The following SENP7 variants were observed in gnomAD, a reference collection of about 807,000 sequenced individuals.
SENP7 encodes SUMO specific peptidase 7.
Under a neutral mutation model 141.2 loss-of-function variants are expected in SENP7, and 64 were observed. The ratio of observed to expected loss-of-function variants is 0.45; its 90% confidence interval spans 0.37 to 0.56. SENP7 has a LOEUF of 0.56. Among genes scored for constraint, SENP7 ranks in the 20% least tolerant of loss-of-function variants. The pLI is 0.00. For synonymous variants in SENP7, 382 were observed against 426.4 expected, an observed-to-expected ratio of 0.90 and a Z score of 1.28; for missense variants, 1,025 against 1,212.2, an observed-to-expected ratio of 0.85 and a Z score of 2.29.
chr3:101,341,274 A>G (rs1442807105), intron 15 of SENP7, among the ~76,000 whole-genome samples: 1 of 152,226 alleles, frequency 6.6e-6, no homozygotes, highest in South Asian at 2.1e-4. Context: ...AACAAACTCC[A>G]AAGTACCTTA....
chr3:101,356,906 T>C (rs1462764063), intron 11 of SENP7, among the ~76,000 whole-genome samples: 1 of 152,224 alleles, frequency 6.6e-6, no homozygotes, highest in East Asian at 1.9e-4. Flanking sequence ...GTAACGGTTG[T>C]CTTCAGAATA....
At chr3:101,348,558 C>A (rs936620931) in intron 12 of SENP7, among the ~76,000 whole-genome samples, 2 of 152,130 alleles carry the variant, frequency 1.3e-5, no homozygotes, top group Admixed American at 1.3e-4. Context: ...TAGGCCAATT[C>A]CTGCCCATCT....
intron 9 of SENP7, among the ~76,000 whole-genome samples, chr3:101,365,634 CAAAAAAA>C (rs1010380283): frequency 3.2e-5 from 2 of 62,134 alleles, no homozygotes; most frequent in Non-Finnish European, 6.2e-5. Context: ...GACTCTGTCT[CAAAAAAA>C]AAAAAAAAAA....
intron 4 of SENP7, among the ~76,000 whole-genome samples, chr3:101,424,710 C>T (rs1325699913): frequency 1.3e-5 from 2 of 152,118 alleles, no homozygotes; most frequent in Non-Finnish European, 2.9e-5. Flanking sequence ...GGGACTCCTG[C>T]TCCCCATCAG....
chr3:101,412,905 T>G (rs998977208), intron 5 of SENP7, among the ~76,000 whole-genome samples: 6 of 152,138 alleles, frequency 3.9e-5, no homozygotes, highest in African/African-American at 1.4e-4. Flanking sequence ...AGTTTGATAT[T>G]TCTAAAACTC....
In SENP7 at chr3:101,493,872, C is replaced by T. The variant is rs750519233; in HGVS notation, c.186+1G>A. 87 of 1,548,220 alleles carry T rather than the reference C, an allele frequency of 5.6e-5. No individual in the cohort carries two copies. The highest frequency in any genetic ancestry group is 7.7e-5 in the Non-Finnish European group (87 of 1,127,564). ...TAAAATAAATTAATTTTATTTACCA[C>T]CTGCAAAGGGAGAGTCCAGCGTTCT... On this transcript the variant is annotated splice_donor_variant, in intron 3 of 23. Transcript: ENST00000394095. LOFTEE classifies it high-confidence loss of function.
At chr3:101,435,083 G>T (rs547676779) in intron 4 of SENP7, among the ~76,000 whole-genome samples, 2 of 151,932 alleles carry the variant, frequency 1.3e-5, no homozygotes, top group Non-Finnish European at 2.9e-5. Flanking sequence ...TAACCATGTG[G>T]GATTTATCCC....
rs776974132 is a variant in SENP7 at position 101,398,959 on chromosome 3, T to C, written c.579A>G (p.Thr193=). The C allele has an allele frequency of 6.2e-7, 1 of 1,613,894 alleles. No individual in the cohort carries two copies. Among genetic ancestry groups the C allele is most frequent in the Non-Finnish European group, 8.5e-7 (1 of 1,179,790 alleles). ...PPVTEGSLSD[T]DNLQSEQLSS... ...AAAGTTGCTCTGATTGCAAGTTGTC[T>C]GTATCACTCAAACTTCCCTCAGTTA... The change falls in exon 6 of 24, where the codon ACA becomes ACG. Residue 193 remains threonine, a synonymous_variant. Transcript: ENST00000394095.
At chr3:101,405,287 A>G (rs1040600079) in intron 5 of SENP7, among the ~76,000 whole-genome samples, 1 of 152,224 alleles carries the variant, frequency 6.6e-6, no homozygotes, top group African/African-American at 2.4e-5. Flanking sequence ...GTACCAGCCC[A>G]GAGCCTGGTA....
At chr3:101,405,581 C>T (rs933099844) in intron 5 of SENP7, among the ~76,000 whole-genome samples, 2 of 152,124 alleles carry the variant, frequency 1.3e-5, no homozygotes, top group Non-Finnish European at 2.9e-5. Context: ...AAGAAGAAAT[C>T]CCTGATTTAC....
At chr3:101,365,019 T>A (rs749715372) in intron 9 of SENP7, 28 bp from the exon 10 acceptor site, 1 of 1,368,124 alleles carries the variant, frequency 7.3e-7, no homozygotes, top group Middle Eastern at 2.1e-4. Flanking sequence ...AATGTATTTT[T>A]GTTTATTTAT....
At chr3:101,418,810 A>G (rs1414785095) in intron 4 of SENP7, among the ~76,000 whole-genome samples, 1 of 152,120 alleles carries the variant, frequency 6.6e-6, no homozygotes, top group Non-Finnish European at 1.5e-5. Context: ...TGTTGCACAC[A>G]CACAAAAAAA....
intron 4 of SENP7, among the ~76,000 whole-genome samples, chr3:101,443,444 G>T (rs952238225): frequency 3.9e-5 from 5 of 128,856 alleles, no homozygotes; most frequent in African/African-American, 1.3e-4. Context: ...CTCTTTTTTG[G>T]TTCCATATGA....
Position 101,324,823 on chromosome 3 carries a change from A to G in SENP7, c.*1120T>C, listed in dbSNP as rs2058859026. On this transcript the variant is annotated 3_prime_UTR_variant, in exon 24 of 24. Transcript: ENST00000394095. Reference sequence around the variant, plus strand: ...AATATAATCATATCTCCCTCAAAATACTCCTGATAACATTAGAAAGTTCTG... The same window carrying G: ...AATATAATCATATCTCCCTCAAAATGCTCCTGATAACATTAGAAAGTTCTG... 1 of 151,944 alleles carries G rather than the reference A, an allele frequency of 6.6e-6. No homozygotes were observed. The highest frequency in any genetic ancestry group is 2.4e-5 in the African/African-American group (1 of 41,398). The allele number at this position is 151,944 out of a possible 1,614,324, so 9.4% of individuals were successfully genotyped here.
At position 101,393,571 on chromosome 3, in the gene SENP7, C is replaced by G. The variant is rs574230647; in HGVS notation, c.677+5290G>C. Among the ~76,000 whole-genome samples the G allele has an allele frequency of 9.2e-5, 14 of 152,092 alleles. No individual in the cohort carries two copies. In the East Asian group the frequency reaches 2.7e-3, roughly 29 times the overall value. On this transcript the variant is annotated intron_variant, in intron 6 of 23. Transcript: ENST00000394095. ...TTATCAAAAGAAGATATACAAATGT[C>G]CAATAGACATATGAAAAAATGCTCA...
At chr3:101,377,264 G>A (rs911445855) in intron 6 of SENP7, among the ~76,000 whole-genome samples, 1 of 152,110 alleles carries the variant, frequency 6.6e-6, no homozygotes, top group African/African-American at 2.4e-5. Context: ...CTTCCTGGAC[G>A]TGACAGAAAA....
chr3:101,329,775 T>TAAAAAAAA (rs762298259), intron 20 of SENP7, among the ~76,000 whole-genome samples: 39 of 100,380 alleles, frequency 3.9e-4, no homozygotes, highest in Non-Finnish European at 4.4e-4. Context: ...CCATCTCTAC[T>TAAAAAAAA]AAAAAAAAAA....
intron 3 of SENP7, among the ~76,000 whole-genome samples, chr3:101,467,023 T>G (rs1371065706): frequency 6.6e-6 from 1 of 152,128 alleles, no homozygotes; most frequent in Non-Finnish European, 1.5e-5. Context: ...GCAGACAAGG[T>G]GATTCTCTCC....
intron 6 of SENP7, among the ~76,000 whole-genome samples, chr3:101,381,684 G>A (rs1250694706): frequency 6.6e-6 from 1 of 152,022 alleles, no homozygotes; most frequent in Non-Finnish European, 1.5e-5. Flanking sequence ...CCGTGCAAAT[G>A]AGTATCATTA....
Sources: allele counts gnomAD v4.1 joint callset (sites outside exome capture counted in the v4.1 genomes callset), GRCh38; gene constraint gnomAD v4.1.1; transcripts MANE v1.5; gene names NCBI Gene and HGNC (gene_info 2026-07-23, HGNC 2026-07-21).